FYB2: variants seen among roughly 807,000 people sequenced by gnomAD.
The protein encoded by FYB2 is FYN-binding protein 2.
FYB2 carries 103 observed loss-of-function variants against 94.1 expected under a neutral mutation model. That is an observed-to-expected ratio of 1.09 (90% CI 0.93 to 1.29). The LOEUF (loss-of-function observed/expected upper bound fraction) is 1.29, where lower values mean the gene tolerates loss of function less well. Among genes scored for constraint, FYB2 ranks in the 50% most tolerant of loss-of-function variants. FYB2 has a pLI of 0.00. For missense variants in FYB2, 896 were observed against 841.5 expected (o/e 1.06, Z -0.80); for synonymous variants, 293 against 287.9 (o/e 1.02, Z -0.18).
chr1:56,792,743 G>T lies in FYB2; in HGVS notation c.70C>A (p.Leu24Ile), dbSNP rs1267219460. 3.7e-6 allele frequency: 6 copies of T among 1,613,952 alleles called. No homozygotes were observed. The highest frequency in any genetic ancestry group is 3.4e-6 in the Non-Finnish European group (4 of 1,179,996). Residue 24 changes from leucine (L) to isoleucine (I), a missense_variant, in exon 2 of 20, where the codon CTT becomes ATT. By Grantham distance (5) the Leu-to-Ile change is conservative (BLOSUM62 2). Transcript: ENST00000343433. ...GCTGGGAATTTAATAGGTCCTGGAA[G>T]AGGTGGAGCATCAAGATTTTGAAAT... Reference protein sequence around the residue: ...AKFQNLDAPPLPGPIKFPAGV... With the variant: ...AKFQNLDAPPIPGPIKFPAGV...
In FYB2 at chr1:56,758,627, A is replaced by AT. The variant is rs530414154; in HGVS notation, c.1098+88dup. 17 of 1,041,254 alleles carry AT rather than the reference A, an allele frequency of 1.6e-5. No individual in the cohort carries two copies. In the African/African-American group the frequency reaches 2.0e-4, roughly 12 times the overall value. The allele number at this position is 1,041,254 out of a possible 1,614,324, so 64.5% of individuals were successfully genotyped here. ...TAGGAGGAAAAATGAAAACAAAGAC[A>AT]TTTTTTCCCTCTAAAAGATACTACT... On this transcript the variant is annotated intron_variant, in intron 6 of 19. Coordinates refer to ENST00000343433, the MANE Select transcript of FYB2 (RefSeq NM_001004303.5).
intron 11 of FYB2, among the ~76,000 whole-genome samples, 193 bp from the exon 12 acceptor site, chr1:56,742,414 T>A (rs1381931725): frequency 6.6e-6 from 1 of 152,130 alleles, no homozygotes; most frequent in Admixed American, 6.6e-5. Flanking sequence ...TATAAAAGTA[T>A]GTATAAATGA....
chr1:56,737,106 G>A lies in FYB2; in HGVS notation c.1774C>T (p.Leu592=). Residue 592 remains leucine (L), a synonymous_variant, in exon 15 of 20, where the codon CTG becomes TTG. Coordinates refer to ENST00000343433, the MANE Select transcript of FYB2 (RefSeq NM_001004303.5). The part of the protein sequence containing the change: ...QEVIIYDDVD[L]SEKESKDEDK... ...ACTTACTTTGACTCTTTTTCACTCA[G>A]GTCTACATCATCATAAATAATAACT... The A allele has an allele frequency of 6.2e-7, 1 of 1,606,106 alleles. No homozygotes were observed. The highest frequency in any genetic ancestry group is 2.2e-5 in the East Asian group (1 of 44,490).
chr1:56,720,299 C>T lies in FYB2; in HGVS notation c.2005G>A (p.Ala669Thr). 6.2e-7 allele frequency: 1 copy of T among 1,609,544 alleles called. No homozygotes were observed. Among genetic ancestry groups the T allele is most frequent in the African/African-American group, 1.3e-5 (1 of 74,812 alleles). ...YDKEIIVINT[A>T]VACSNNSRNG... ...CTTGAATTATTGGAACAGGCCACTG[C>T]TGTATTGATGACAATAATCTCTTTG... The change falls in exon 18 of 20, where the codon GCA becomes ACA. Residue 669 changes from alanine (A) to threonine (T), a missense_variant. Transcript: ENST00000343433.
chr1:56,824,133 C>T (rs1297115304), upstream of FYB2: 4 of 152,294 alleles, frequency 2.6e-5, no homozygotes, highest in East Asian at 3.9e-4. Flanking sequence ...CCACAAAATC[C>T]GCAGGTCAGT....
intron 9 of FYB2, 125 bp downstream of exon 9, chr1:56,750,919 G>C: frequency 8.8e-7 from 1 of 1,140,742 alleles, no homozygotes; most frequent in Non-Finnish European, 1.2e-6. Flanking sequence ...TTCCTCACTA[G>C]GGCAAGTTGC....
chr1:56,819,231 C>T (rs375215305), intron 1 of FYB2, 51 bp downstream of exon 1: 211 of 1,613,770 alleles, frequency 1.3e-4, no homozygotes, highest in Non-Finnish European at 1.5e-4. Context: ...GGAACTTGTC[C>T]TGCAAGAAAA....
the FYB2 span, among the ~76,000 whole-genome samples, chr1:56,826,240 C>T: frequency 6.6e-6 from 1 of 152,178 alleles, no homozygotes; most frequent in African/African-American, 2.4e-5. Context: ...CCTTCAATCC[C>T]CCACCTCACA....
intron 13 of FYB2, among the ~76,000 whole-genome samples, chr1:56,739,523 T>C (rs557216152): frequency 6.6e-6 from 1 of 152,202 alleles, no homozygotes; most frequent in Non-Finnish European, 1.5e-5. Flanking sequence ...CATCTCACTA[T>C]AGGTAATTAC....
At chr1:56,755,059 C>A (rs1645293178) in intron 7 of FYB2, among the ~76,000 whole-genome samples, 1 of 152,026 alleles carries the variant, frequency 6.6e-6, no homozygotes, top group Non-Finnish European at 1.5e-5. Flanking sequence ...CTCCAGAGCT[C>A]ATCAACCATG....
At chr1:56,772,574 C>T (rs1645783787) in intron 4 of FYB2, among the ~76,000 whole-genome samples, 1 of 152,046 alleles carries the variant, frequency 6.6e-6, no homozygotes, top group Non-Finnish European at 1.5e-5. Flanking sequence ...TTCTTTATTT[C>T]CACATTTATG....
intron 1 of FYB2, among the ~76,000 whole-genome samples, chr1:56,811,294 T>C (rs1646761175): frequency 6.6e-6 from 1 of 152,162 alleles, no homozygotes; most frequent in Admixed American, 6.5e-5. Context: ...GAAATTTAGC[T>C]TCAAAATGCA....
chr1:56,804,508 G>A (rs1646594327), intron 1 of FYB2, among the ~76,000 whole-genome samples: 1 of 152,042 alleles, frequency 6.6e-6, no homozygotes, highest in African/African-American at 2.4e-5. Flanking sequence ...GCAGATCACT[G>A]GAGGTCAGGA....
chr1:56,804,904 T>C (rs895030086), intron 1 of FYB2, among the ~76,000 whole-genome samples: 13 of 152,186 alleles, frequency 8.5e-5, no homozygotes, highest in Admixed American at 6.6e-5. Flanking sequence ...TCCAGCTTCA[T>C]TTCCCACCAC....
the FYB2 span, among the ~76,000 whole-genome samples, chr1:56,825,926 A>T: frequency 3.1e-3 from 472 of 152,316 alleles, 1 homozygote; most frequent in Non-Finnish European, 4.5e-3. Context: ...CATCAAGCTC[A>T]TCCTCTTTCC....
intron 17 of FYB2, among the ~76,000 whole-genome samples, chr1:56,721,435 G>A (rs1240419387): frequency 6.6e-6 from 1 of 151,962 alleles, no homozygotes; most frequent in African/African-American, 2.4e-5. Flanking sequence ...TATACCAAAT[G>A]AGATCAGAAA....
At chr1:56,772,015 A>T (rs1027281712) in intron 4 of FYB2, among the ~76,000 whole-genome samples, 1 of 152,008 alleles carries the variant, frequency 6.6e-6, no homozygotes, top group African/African-American at 2.4e-5. Flanking sequence ...GTAATAGTTC[A>T]TTTTGCTGAA....
At chr1:56,728,995 G>A (rs1215146086) in intron 15 of FYB2, among the ~76,000 whole-genome samples, 1 of 152,160 alleles carries the variant, frequency 6.6e-6, no homozygotes, top group Admixed American at 6.6e-5. Flanking sequence ...ATGCTGGACA[G>A]CATATCCGGT....
At chr1:56,801,093 C>T (rs917118885) in intron 1 of FYB2, among the ~76,000 whole-genome samples, 5 of 152,088 alleles carry the variant, frequency 3.3e-5, no homozygotes, top group Non-Finnish European at 7.4e-5. Context: ...CCCTGACCAC[C>T]CTAACCCTCA....
Sources: allele counts gnomAD v4.1 joint callset (sites outside exome capture counted in the v4.1 genomes callset), GRCh38; gene constraint gnomAD v4.1.1; transcripts MANE v1.5; gene names NCBI Gene and HGNC (gene_info 2026-07-23, HGNC 2026-07-21).